Variants in AASS observed in about 807,000 individuals in gnomAD.
AASS encodes the protein alpha-aminoadipic semialdehyde synthase, mitochondrial.
Under a neutral mutation model 105.4 loss-of-function variants are expected in AASS, and 86 were observed. The ratio of observed to expected loss-of-function variants is 0.82; its 90% CI spans 0.69 to 0.98. The LOEUF is 0.98. AASS is among the 50% of genes least tolerant of loss of function. The pLI is 0.00. For synonymous variants in AASS, 381 were observed against 394.8 expected (o/e 0.96, Z 0.41); for missense variants, 1,048 against 1,143.2 (o/e 0.92, Z 1.20).
chr7:122,135,905 T>C (rs974335121), intron 1 of AASS, among the ~76,000 whole-genome samples: 4 of 152,230 alleles, frequency 2.6e-5, no homozygotes, highest in Admixed American at 1.3e-4. Context: ...ATAAATCTTA[T>C]GTAAATTTTT....
chr7:122,078,488 T>A (rs939587544), intron 22 of AASS, among the ~76,000 whole-genome samples: 2 of 151,918 alleles, frequency 1.3e-5, no homozygotes, highest in Non-Finnish European at 2.9e-5. Flanking sequence ...GGCAGGCAAC[T>A]GTAGTCCCAG....
intron 6 of AASS, among the ~76,000 whole-genome samples, chr7:122,117,638 C>CTATTTATT (rs751868427): frequency 1.1e-4 from 17 of 149,922 alleles, no homozygotes; most frequent in East Asian, 3.9e-4. Context: ...ATTTATTTAT[C>CTATTTATT]TATTTATTTA....
intron 19 of AASS, among the ~76,000 whole-genome samples, chr7:122,084,546 C>G (rs1793526282): frequency 6.6e-6 from 1 of 152,002 alleles, no homozygotes; most frequent in Non-Finnish European, 1.5e-5. Context: ...ATTGCATGAT[C>G]TCACTTACAT....
chr7:122,079,757 T>G (rs923453701), intron 20 of AASS, 45 bp from the exon 21 acceptor site: 3 of 1,384,522 alleles, frequency 2.2e-6, no homozygotes, highest in Non-Finnish European at 3.1e-6. Flanking sequence ...CCTAACAAAT[T>G]TTTTTTTAAT....
At chr7:122,088,696 G>A (rs564246910) in intron 18 of AASS, among the ~76,000 whole-genome samples, 83 of 152,196 alleles carry the variant, frequency 5.5e-4, no homozygotes, top group African/African-American at 1.9e-3. Context: ...GCAATGGATA[G>A]AGGGCTAGAA....
At chr7:122,138,077 T>C (rs1796235798) in intron 1 of AASS, among the ~76,000 whole-genome samples, 1 of 152,204 alleles carries the variant, frequency 6.6e-6, no homozygotes, top group African/African-American at 2.4e-5. Context: ...CAGTCTTCCC[T>C]TTGTTACATG....
At chr7:122,083,132 T>C (rs1197361766) in intron 19 of AASS, among the ~76,000 whole-genome samples, 3 of 152,280 alleles carry the variant, frequency 2.0e-5, no homozygotes, top group East Asian at 1.9e-4. Context: ...TAACGTCAGA[T>C]ATTTCACTAC....
At chr7:122,121,279 A>G (rs1461947240) in intron 4 of AASS, among the ~76,000 whole-genome samples, 2 of 152,210 alleles carry the variant, frequency 1.3e-5, no homozygotes, top group East Asian at 3.8e-4. Flanking sequence ...TTACAAAAGT[A>G]TGGTTCTATT....
chr7:122,098,775 A>G lies in AASS; in HGVS notation c.1498T>C (p.Ser500Pro). The G allele has an allele frequency of 2.5e-6, 4 of 1,606,178 alleles. No homozygotes were observed. The highest frequency in any genetic ancestry group is 3.4e-6 in the Non-Finnish European group (4 of 1,175,822). ...YISEPVLEYL[S>P]RDGNIEITVG... is the part of the protein sequence containing the mutation. ...GTTATTTCTATATTGCCATCTCTTGATAAATATTCTAATACAGGCTCAGAT... is the reference window on the plus strand; with the variant it reads ...GTTATTTCTATATTGCCATCTCTTGGTAAATATTCTAATACAGGCTCAGAT... Residue 500 changes from serine to proline, a missense_variant, in exon 14 of 24, where the codon TCA becomes CCA. Physicochemically the swap from Ser to Pro is moderately conservative, Grantham distance 74. Coordinates refer to ENST00000417368, the MANE Select transcript of AASS (RefSeq NM_005763.4).
Position 122,133,553 on chromosome 7 carries a change from C to G in AASS, c.174G>C (p.Leu58Phe). The change falls in exon 2 of 24, where the codon TTG (leucine) becomes TTC (phenylalanine). Residue 58 changes from leucine (L) to phenylalanine (F), a missense_variant. Physicochemically the swap from Leu to Phe is conservative, Grantham distance 22. Transcript: ENST00000417368. Reference protein sequence around the residue: ...KGITNLGYKVLIQPSNRRAIH... With the variant: ...KGITNLGYKVFIQPSNRRAIH... ...TGGCCCGCCGATTCGAAGGCTGTAT[C>G]AAGACCTTGTATCCCAGATTGGTGA... 2 of 1,614,170 alleles carry G rather than the reference C, an allele frequency of 1.2e-6. No individual in the cohort carries two copies. The highest frequency in any genetic ancestry group is 1.7e-6 in the Non-Finnish European group (2 of 1,180,032).
intron 11 of AASS, among the ~76,000 whole-genome samples, chr7:122,110,742 T>C (rs1018926374): frequency 5.3e-5 from 8 of 151,942 alleles, no homozygotes; most frequent in African/African-American, 9.6e-5. Context: ...TAAATCTATG[T>C]GCAAACTCAA....
At chr7:122,078,543 C>T (rs565043855) in intron 22 of AASS, among the ~76,000 whole-genome samples, 15,067 of 152,024 alleles carry the variant, frequency 0.099, 859 homozygotes, top group East Asian at 0.15. Flanking sequence ...ACCTGGGAGG[C>T]AGAGGTACAG....
At chr7:122,084,278 C>A (rs1341479292) in intron 19 of AASS, among the ~76,000 whole-genome samples, 2 of 152,008 alleles carry the variant, frequency 1.3e-5, no homozygotes, top group African/African-American at 4.8e-5. Flanking sequence ...CATTTGATTC[C>A]TGGGCAATGA....
chr7:122,085,471 G>A (rs763686419), intron 19 of AASS, among the ~76,000 whole-genome samples: 41 of 150,990 alleles, frequency 2.7e-4, no homozygotes, highest in Non-Finnish European at 4.0e-4. Flanking sequence ...CATCCCGTCC[G>A]TTTCCTCCCG....
At chr7:122,129,702 C>T (rs1795821608) in intron 2 of AASS, among the ~76,000 whole-genome samples, 165 bp from the exon 3 acceptor site, 1 of 151,942 alleles carries the variant, frequency 6.6e-6, no homozygotes, top group South Asian at 2.1e-4. Flanking sequence ...TACTTGTTGG[C>T]TAAAGATAAA....
chr7:122,076,354 G>C lies in AASS; in HGVS notation c.*135C>G, dbSNP rs1793007366. ...TTCCATATTAAAATAAAGATTTATA[G>C]TTCAAAAAGTACATTGTGTTAACCA... On this transcript the variant is annotated 3_prime_UTR_variant, in exon 24 of 24. Transcript: ENST00000417368. 2.8e-6 allele frequency: 2 copies of C among 705,664 alleles called. No individual in the cohort carries two copies. The highest frequency in any genetic ancestry group is 5.1e-6 in the Non-Finnish European group (2 of 395,096). 43.7% of individuals were successfully genotyped at this position (705,664 alleles called of 1,614,324 possible). A position where few individuals can be genotyped will look rare whatever the true frequency, so the allele number is the denominator to read the frequency against.
intron 15 of AASS, among the ~76,000 whole-genome samples, chr7:122,097,480 G>A (rs1251740902): frequency 6.6e-6 from 1 of 151,960 alleles, no homozygotes; most frequent in Non-Finnish European, 1.5e-5. Flanking sequence ...TAGGTAATAA[G>A]CATAGTACCC....
intron 15 of AASS, among the ~76,000 whole-genome samples, chr7:122,096,644 A>C (rs946744945): frequency 6.6e-6 from 1 of 151,992 alleles, no homozygotes; most frequent in African/African-American, 2.4e-5. Context: ...GAAAAAAAAA[A>C]TTTAAGGAAT....
chr7:122,081,022 C>T (rs981089039), intron 20 of AASS, among the ~76,000 whole-genome samples: 1 of 152,150 alleles, frequency 6.6e-6, no homozygotes, highest in Admixed American at 6.5e-5. Flanking sequence ...TTTGGTACAA[C>T]AAGAGATAGA....
Sources: gnomAD v4.1 joint callset for allele counts (sites outside exome capture counted in the v4.1 genomes callset) on GRCh38, gnomAD v4.1.1 for gene constraint, MANE v1.5 for transcripts, NCBI Gene and HGNC (gene_info 2026-07-23, HGNC 2026-07-21) for gene names.